Variants in IL1RAPL2 observed in about 807,000 individuals in gnomAD.
IL1RAPL2 encodes X-linked interleukin-1 receptor accessory protein-like 2.
Under a neutral mutation model 44.1 loss-of-function variants are expected in IL1RAPL2, and 3 were observed. The observed-to-expected ratio is 0.07, with a 90% CI of 0.03 to 0.18. IL1RAPL2 has a LOEUF of 0.18. Among genes scored for constraint, IL1RAPL2 ranks in the 10% least tolerant of loss-of-function variants. IL1RAPL2 has a pLI of 1.00. For synonymous variants in IL1RAPL2, 181 were observed against 178.8 expected, an observed-to-expected ratio of 1.01 and a Z score of -0.10; for missense variants, 391 against 496.4, an observed-to-expected ratio of 0.79 and a Z score of 2.02.
intron 6 of IL1RAPL2, among the ~76,000 whole-genome samples, chrX:105,516,671 A>C (rs2036516857): frequency 8.9e-6 from 1 of 112,039 alleles, no homozygotes; most frequent in African/African-American, 3.2e-5. Context: ...ACAACAAATA[A>C]ATACAAGAGT....
intron 2 of IL1RAPL2, among the ~76,000 whole-genome samples, chrX:105,076,542 G>A (rs771672192): frequency 9.0e-6 from 1 of 111,488 alleles, no homozygotes; most frequent in South Asian, 3.8e-4. Context: ...GGAGAGTTCT[G>A]TAGATGTCTA....
chrX:105,740,437 C>A, intron 7 of IL1RAPL2, 109 bp from the exon 8 acceptor site: 1 of 746,298 alleles, frequency 1.3e-6, no homozygotes, highest in Non-Finnish European at 2.0e-6. Context: ...GGATTCTCCA[C>A]GCCCATCATC....
chrX:105,315,378 T>A (rs1300018838), intron 5 of IL1RAPL2, among the ~76,000 whole-genome samples: 1 of 105,810 alleles, frequency 9.5e-6, no homozygotes, highest in Non-Finnish European at 1.9e-5. Context: ...TTATTACCTT[T>A]TTTTAAAAAA....
intron 5 of IL1RAPL2, among the ~76,000 whole-genome samples, chrX:105,347,961 G>A (rs1420538506): frequency 4.5e-5 from 5 of 111,612 alleles, no homozygotes; most frequent in African/African-American, 1.6e-4. Flanking sequence ...AAATATCCAT[G>A]AAAAGTATCT....
chrX:105,445,719 C>T (rs1305573006), intron 5 of IL1RAPL2, among the ~76,000 whole-genome samples: 1 of 111,079 alleles, frequency 9.0e-6, no homozygotes, highest in Non-Finnish European at 1.9e-5. Context: ...TGTTTATTGA[C>T]TTCTAGTTTT....
At chrX:105,034,166 T>G (rs1460403255) in intron 2 of IL1RAPL2, among the ~76,000 whole-genome samples, 1 of 111,733 alleles carries the variant, frequency 8.9e-6, no homozygotes, top group Non-Finnish European at 1.9e-5. Context: ...GCCATTGGTT[T>G]GAATTTCCTC....
chrX:104,872,490 G>A (rs1295263899), intron 2 of IL1RAPL2, among the ~76,000 whole-genome samples: 1 of 111,923 alleles, frequency 8.9e-6, no homozygotes, highest in Non-Finnish European at 1.9e-5. Context: ...TGGTAAATCT[G>A]CCTCTGACTT....
chrX:105,311,036 G>A (rs1975849598), intron 5 of IL1RAPL2, among the ~76,000 whole-genome samples: 1 of 110,887 alleles, frequency 9.0e-6, no homozygotes, highest in African/African-American at 3.3e-5. Flanking sequence ...TATGTCTCCT[G>A]GATGAATTGA....
chrX:105,628,608 A>G (rs187030944), intron 6 of IL1RAPL2, among the ~76,000 whole-genome samples: 1 of 112,377 alleles, frequency 8.9e-6, no homozygotes, highest in African/African-American at 3.2e-5. Flanking sequence ...ATTGAAATGA[A>G]TGTGGAAATG....
rs762128168 is a variant in IL1RAPL2 at position 105,472,093 on chromosome X, C to A, written c.698-12220C>A. Among the ~76,000 whole-genome samples the A allele has an allele frequency of 2.7e-5, 3 of 110,555 alleles. No individual in the cohort carries two copies. In the Admixed American group the frequency reaches 2.9e-4, roughly 11 times the overall value. ...GATGGAGGGGTGGTGGTGGTACAGACCCTTAGGTGAATTAGACTATACTTG... is the reference window on the plus strand; with the variant it reads ...GATGGAGGGGTGGTGGTGGTACAGAACCTTAGGTGAATTAGACTATACTTG... On this transcript the variant is annotated intron_variant, in intron 5 of 10. Coordinates refer to ENST00000372582, the MANE Select transcript of IL1RAPL2 (RefSeq NM_017416.2).
intron 2 of IL1RAPL2, among the ~76,000 whole-genome samples, chrX:104,962,518 AGTGCGTAGCCTATGCTACACACTAAAT>A (rs1262483013): frequency 8.9e-5 from 10 of 112,238 alleles, no homozygotes; most frequent in Non-Finnish European, 1.7e-4. Flanking sequence ...AAGGCCATTT[AGTGCGTAGCCTATGCTACACACTAAAT>A]GTGCGTAGCT....
chrX:104,717,928 C>T (rs969531451), intron 2 of IL1RAPL2, among the ~76,000 whole-genome samples: 2 of 110,227 alleles, frequency 1.8e-5, no homozygotes. Flanking sequence ...CTACAAAGGA[C>T]GTGAACTCAT....
At chrX:105,508,108 C>T (rs1018247595) in intron 6 of IL1RAPL2, among the ~76,000 whole-genome samples, 2 of 111,457 alleles carry the variant, frequency 1.8e-5, no homozygotes, top group Non-Finnish European at 3.8e-5. Flanking sequence ...GCAACTGACC[C>T]TCTACCAAGT....
intron 5 of IL1RAPL2, among the ~76,000 whole-genome samples, chrX:105,418,400 A>C (rs1321522426): frequency 9.0e-6 from 1 of 110,933 alleles, no homozygotes; most frequent in Non-Finnish European, 1.9e-5. Context: ...CTTTTTTTTC[A>C]GTTCCTATAC....
At chrX:105,337,916 A>G (rs1231889509) in intron 5 of IL1RAPL2, among the ~76,000 whole-genome samples, 1 of 108,047 alleles carries the variant, frequency 9.3e-6, no homozygotes, top group Non-Finnish European at 1.9e-5. Context: ...CACACACACA[A>G]ACTTGATAAA....
At chrX:105,034,115 A>G (rs951673974) in intron 2 of IL1RAPL2, among the ~76,000 whole-genome samples, 1 of 111,362 alleles carries the variant, frequency 9.0e-6, no homozygotes, top group Non-Finnish European at 1.9e-5. Context: ...TATTGTAGGT[A>G]TCCATTCATC....
At chrX:105,467,644 G>A (rs754305218) in intron 5 of IL1RAPL2, among the ~76,000 whole-genome samples, 2 of 111,316 alleles carry the variant, frequency 1.8e-5, no homozygotes, top group East Asian at 5.7e-4. Flanking sequence ...CTTTCTTACT[G>A]CTCCTCTATT....
intron 1 of IL1RAPL2, among the ~76,000 whole-genome samples, chrX:104,579,814 C>T (rs1010035015): frequency 1.8e-5 from 2 of 111,585 alleles, no homozygotes; most frequent in African/African-American, 6.5e-5. Flanking sequence ...AAAAACAGAA[C>T]AATCTACTGG....
intron 2 of IL1RAPL2, among the ~76,000 whole-genome samples, chrX:104,910,865 A>G (rs900978967): frequency 3.6e-5 from 4 of 111,851 alleles, no homozygotes; most frequent in African/African-American, 1.3e-4. Context: ...TTTTCTTTGC[A>G]GCCTTCTACT....
Sources: allele counts gnomAD v4.1 joint callset (sites outside exome capture counted in the v4.1 genomes callset), GRCh38; gene constraint gnomAD v4.1.1; transcripts MANE v1.5; gene names NCBI Gene and HGNC (gene_info 2026-07-23, HGNC 2026-07-21).